The following ATXN1 variants were observed in gnomAD, a reference collection of about 807,000 sequenced individuals.
ATXN1 encodes the protein ataxin-1.
Under a neutral mutation model 56.4 loss-of-function variants are expected in ATXN1, and 8 were observed. The ratio of observed to expected loss-of-function variants is 0.14; its 90% CI spans 0.08 to 0.26. The LOEUF is 0.26. ATXN1 is among the 10% of genes least tolerant of loss of function. The probability of loss-of-function intolerance (pLI) is 1.00; values close to 1 mark genes in which losing one functional copy is unlikely to be tolerated. For synonymous variants in ATXN1, 514 were observed against 494.6 expected (o/e 1.04, Z -0.52); for missense variants, 987 against 1,106.5 (o/e 0.89, Z 1.53).
chr6:16,685,390 A>G (rs78064404), intron 2 of ATXN1, among the ~76,000 whole-genome samples: 107 of 152,310 alleles, frequency 7.0e-4, no homozygotes, highest in Non-Finnish European at 1.4e-3. Context: ...CTGGGGAGGA[A>G]CAAATGAATG....
chr6:16,703,697 C>G (rs185038117), intron 2 of ATXN1, among the ~76,000 whole-genome samples: 7 of 152,274 alleles, frequency 4.6e-5, no homozygotes, highest in Non-Finnish European at 7.3e-5. Context: ...GGTGAATGTA[C>G]TTAATGCCAC....
chr6:16,310,899 C>T (rs1284842952), intron 7 of ATXN1, among the ~76,000 whole-genome samples: 1 of 152,198 alleles, frequency 6.6e-6, no homozygotes, highest in African/African-American at 2.4e-5. Context: ...TCTACTTCAT[C>T]TTCTTTGTTT....
At chr6:16,344,898 C>T (rs186081516) in intron 6 of ATXN1, among the ~76,000 whole-genome samples, 8 of 152,330 alleles carry the variant, frequency 5.3e-5, no homozygotes, top group Admixed American at 3.9e-4. Context: ...TTCCTAAACT[C>T]TCAGCAAAGC....
At chr6:16,313,080 T>C (rs1223033539) in intron 7 of ATXN1, among the ~76,000 whole-genome samples, 1 of 151,990 alleles carries the variant, frequency 6.6e-6, no homozygotes, top group Non-Finnish European at 1.5e-5. Context: ...TGTTTGGCCA[T>C]TGTGGGTCAG....
chr6:16,374,445 G>A (rs1009150763), intron 6 of ATXN1, among the ~76,000 whole-genome samples: 15 of 152,274 alleles, frequency 9.9e-5, no homozygotes, highest in South Asian at 2.1e-4. Context: ...TATAAATGCC[G>A]TATATAACAA....
Position 16,312,847 on chromosome 6 carries a change from C to T in ATXN1, c.1918-5988G>A, listed in dbSNP as rs796103305. On this transcript the variant is annotated intron_variant, in intron 7 of 7. Coordinates refer to ENST00000436367, the MANE Select transcript of ATXN1 (RefSeq NM_001128164.2). The stretch of plus-strand genomic sequence containing the variant: ...CCCCCCTCCCATAAAAACCCTCCAA[C>T]CAGCCTAAAAAATTGGAGATTTTAC... Among the ~76,000 whole-genome samples the T allele has an allele frequency of 1.3e-5, 2 of 152,080 alleles. 1 individual carries two copies. Among genetic ancestry groups the T allele is most frequent in the South Asian group, 4.1e-4 (2 of 4,824 alleles).
intron 4 of ATXN1, among the ~76,000 whole-genome samples, chr6:16,534,424 C>T (rs1340564202): frequency 1.3e-5 from 2 of 150,582 alleles, no homozygotes; most frequent in Non-Finnish European, 3.0e-5. Context: ...GGTAAGGGTA[C>T]ATACTAGATA....
chr6:16,725,772 A>G (rs1242909186), intron 2 of ATXN1, among the ~76,000 whole-genome samples: 2 of 152,186 alleles, frequency 1.3e-5, no homozygotes, highest in Non-Finnish European at 2.9e-5. Flanking sequence ...TTCCTGCACC[A>G]TTTTAAAGGA....
intron 5 of ATXN1, among the ~76,000 whole-genome samples, chr6:16,494,489 T>A (rs974964904): frequency 6.6e-6 from 1 of 152,186 alleles, no homozygotes; most frequent in African/African-American, 2.4e-5. Context: ...AAAGGTTTTT[T>A]AAAAAAATTA....
At chr6:16,591,870 T>C (rs766377182) in intron 3 of ATXN1, among the ~76,000 whole-genome samples, 20 of 152,160 alleles carry the variant, frequency 1.3e-4, no homozygotes, top group Non-Finnish European at 2.9e-4. Context: ...AAAAAATCCA[T>C]TTTTTAGTGA....
chr6:16,392,457 T>C (rs1474577873), intron 6 of ATXN1, among the ~76,000 whole-genome samples: 1 of 152,138 alleles, frequency 6.6e-6, no homozygotes, highest in Admixed American at 6.5e-5. Context: ...TTATCAATGG[T>C]TATTTTGTGC....
chr6:16,606,743 C>T (rs957904821), intron 3 of ATXN1, among the ~76,000 whole-genome samples: 5 of 151,014 alleles, frequency 3.3e-5, no homozygotes, highest in South Asian at 2.1e-4. Flanking sequence ...TTAGCCAGGA[C>T]GGTCTTGATC....
intron 3 of ATXN1, among the ~76,000 whole-genome samples, chr6:16,621,649 G>A (rs187597313): frequency 6.6e-6 from 1 of 152,262 alleles, no homozygotes; most frequent in Non-Finnish European, 1.5e-5. Context: ...GGCAATGGAG[G>A]TTGCAGTGAG....
At chr6:16,460,171 C>T (rs1295336466) in intron 6 of ATXN1, among the ~76,000 whole-genome samples, 1 of 152,128 alleles carries the variant, frequency 6.6e-6, no homozygotes, top group African/African-American at 2.4e-5. Flanking sequence ...GAATGGGAAC[C>T]AGAGGCAGAA....
intron 3 of ATXN1, among the ~76,000 whole-genome samples, chr6:16,623,098 C>T (rs988700988): frequency 1.3e-5 from 2 of 152,000 alleles, no homozygotes; most frequent in African/African-American, 4.8e-5. Flanking sequence ...TTGTTTATTT[C>T]ACTTTAATAA....
chr6:16,356,014 G>A lies in ATXN1; in HGVS notation c.-160-27544C>T, dbSNP rs540979424. ...CATTGGTTGGGCTCGTTCCTTCCCC[G>A]CGACCATTCTCCTCCTGAGAGCTCT... is the stretch of plus-strand genomic sequence containing the variant. On this transcript the variant is annotated intron_variant, in intron 6 of 7. Coordinates refer to ENST00000436367, the MANE Select transcript of ATXN1 (RefSeq NM_001128164.2). Among the ~76,000 whole-genome samples the A allele has an allele frequency of 2.2e-4, 34 of 152,314 alleles. 2 individuals carry two copies. In the South Asian group the frequency reaches 6.4e-3, roughly 29 times the overall value.
At chr6:16,347,754 G>T (rs767749433) in intron 6 of ATXN1, among the ~76,000 whole-genome samples, 32 of 152,188 alleles carry the variant, frequency 2.1e-4, no homozygotes, top group Non-Finnish European at 4.3e-4. Context: ...ACAGACCACT[G>T]GGCTCTCTGT....
At chr6:16,461,275 G>C (rs1330814863) in intron 6 of ATXN1, among the ~76,000 whole-genome samples, 1 of 152,206 alleles carries the variant, frequency 6.6e-6, no homozygotes, top group Non-Finnish European at 1.5e-5. Flanking sequence ...CTCCCCTTGG[G>C]GTGGTTAACG....
chr6:16,418,397 T>G (rs1302735468), intron 6 of ATXN1, among the ~76,000 whole-genome samples: 3 of 152,176 alleles, frequency 2.0e-5, no homozygotes, highest in Non-Finnish European at 4.4e-5. Context: ...CAACTCCCTC[T>G]GTGGCTTTCA....
Sources: allele counts gnomAD v4.1 joint callset (sites outside exome capture counted in the v4.1 genomes callset), GRCh38; gene constraint gnomAD v4.1.1; transcripts MANE v1.5; gene names NCBI Gene and HGNC (gene_info 2026-07-23, HGNC 2026-07-21).